ADGRL3: variants seen among roughly 807,000 people sequenced by gnomAD.
The protein encoded by ADGRL3 is adhesion G protein-coupled receptor L3.
Under a neutral mutation model 153.5 loss-of-function variants are expected in ADGRL3, and 62 were observed. The observed-to-expected ratio is 0.40, with a 90% CI of 0.33 to 0.50. The LOEUF (loss-of-function observed/expected upper bound fraction) is 0.50, where lower values mean the gene tolerates loss of function less well. ADGRL3 is among the 20% of genes least tolerant of loss of function. The pLI is 0.47. For missense variants in ADGRL3, 1,641 were observed against 1,859.4 expected (o/e 0.88, Z 2.16); for synonymous variants, 710 against 672.5 (o/e 1.06, Z -0.86).
chr4:61,968,459 A>C (rs1271211413), intron 17 of ADGRL3, among the ~76,000 whole-genome samples: 2 of 152,200 alleles, frequency 1.3e-5, no homozygotes, highest in African/African-American at 4.8e-5. Context: ...CATCTGTCAT[A>C]TATTTAAAAA....
chr4:61,829,637 T>G (rs2097848110), intron 9 of ADGRL3, among the ~76,000 whole-genome samples: 1 of 152,210 alleles, frequency 6.6e-6, no homozygotes, highest in African/African-American at 2.4e-5. Context: ...TAGTTAATAC[T>G]GTACTGTACA....
chr4:61,932,989 G>T (rs1234174978), intron 13 of ADGRL3, among the ~76,000 whole-genome samples: 1 of 151,144 alleles, frequency 6.6e-6, no homozygotes, highest in South Asian at 2.1e-4. Flanking sequence ...TTTAAATTAT[G>T]AAAATAAAAA....
intron 1 of ADGRL3, among the ~76,000 whole-genome samples, chr4:61,266,759 A>T (rs1004715306): frequency 3.8e-4 from 57 of 151,788 alleles, no homozygotes; most frequent in African/African-American, 1.3e-3. Flanking sequence ...TTTTATGCTT[A>T]ATACAAACAT....
intron 20 of ADGRL3, among the ~76,000 whole-genome samples, chr4:61,997,726 T>C (rs181463606): frequency 7.8e-4 from 119 of 152,338 alleles, no homozygotes; most frequent in African/African-American, 2.7e-3. Context: ...TATCATCCTT[T>C]TGAACTAGCT....
chr4:61,853,881 T>TA (rs1336779316), intron 9 of ADGRL3, among the ~76,000 whole-genome samples: 2 of 152,186 alleles, frequency 1.3e-5, no homozygotes, highest in African/African-American at 4.8e-5. Flanking sequence ...TTCCCTAACA[T>TA]AATTGTTTTT....
intron 1 of ADGRL3, among the ~76,000 whole-genome samples, chr4:61,264,732 C>T (rs1431645487): frequency 6.6e-6 from 1 of 151,920 alleles, no homozygotes; most frequent in African/African-American, 2.4e-5. Flanking sequence ...GTATACTTGA[C>T]CTATGGCAAA....
Position 61,998,184 on chromosome 4 carries a change from T to C in ADGRL3, c.3314T>C (p.Ile1105Thr). ...PATLIIMLNVIFLGIALYKMF... is the reference protein window; with the variant it reads ...PATLIIMLNVTFLGIALYKMF... ...CCTTTTGCATTCCAGCTTAATGTAA[T>C]CTTCCTTGGGATTGCTTTATATAAA... The change falls in exon 21 of 27, where the codon ATC becomes ACC. Residue 1105 changes from isoleucine to threonine, a missense_variant. Physicochemically the swap from Ile to Thr is moderately conservative, Grantham distance 89. Coordinates refer to ENST00000683033, the MANE Select transcript of ADGRL3 (RefSeq NM_001387552.1). 1 of 1,566,386 alleles carries C rather than the reference T, an allele frequency of 6.4e-7. No homozygotes were observed. Among genetic ancestry groups the C allele is most frequent in the South Asian group, 1.2e-5 (1 of 84,558 alleles).
In ADGRL3 at chr4:61,895,322, C is replaced by T. The variant is rs753156925; in HGVS notation, c.1784-409C>T. On this transcript the variant is annotated intron_variant, in intron 10 of 26. Coordinates refer to ENST00000683033, the MANE Select transcript of ADGRL3 (RefSeq NM_001387552.1). ...CTCTACTAAAAATACACAAATTAGC[C>T]GGGTGTGGTGGGGGATGCCTGTAGT... Among the ~76,000 whole-genome samples, 25 of 152,092 alleles carry T rather than the reference C, an allele frequency of 1.6e-4. 2 individuals carry two copies. The highest frequency in any genetic ancestry group is 1.6e-3 in the East Asian group (8 of 5,136).
intron 2 of ADGRL3, among the ~76,000 whole-genome samples, chr4:61,460,081 T>C (rs1196518231): frequency 1.3e-5 from 2 of 152,194 alleles, no homozygotes; most frequent in African/African-American, 4.8e-5. Flanking sequence ...TTTAGTTTAA[T>C]GCGATCTCTT....
intron 2 of ADGRL3, among the ~76,000 whole-genome samples, chr4:61,430,694 C>T (rs540560966): frequency 6.6e-6 from 1 of 152,144 alleles, no homozygotes; most frequent in East Asian, 1.9e-4. Context: ...AATTTCTTTC[C>T]TTGTTCATCC....
At chr4:61,891,887 T>G (rs2098589405) in intron 9 of ADGRL3, among the ~76,000 whole-genome samples, 1 of 152,230 alleles carries the variant, frequency 6.6e-6, no homozygotes. Context: ...ATAGTATGCC[T>G]ATTCCTTGGA....
intron 5 of ADGRL3, among the ~76,000 whole-genome samples, chr4:61,629,765 A>G (rs1427971914): frequency 1.1e-3 from 134 of 120,948 alleles, no homozygotes; most frequent in African/African-American, 4.0e-3. Context: ...AAAAAAAAAA[A>G]ATTCCAAGTC....
rs1398926440 is a variant in ADGRL3, at chr4:62,037,828, C to T, written c.3689C>T (p.Thr1230Ile). 2 of 1,613,608 alleles carry T rather than the reference C, an allele frequency of 1.2e-6. No homozygotes were observed. Among genetic ancestry groups the T allele is most frequent in the African/African-American group, 2.7e-5 (2 of 74,894 alleles). Reference protein sequence around the residue: ...IGSGKTSGSRTPGRYSTGSQS... With the variant: ...IGSGKTSGSRIPGRYSTGSQS... ...TCAGGGAAAACATCTGGTTCTCGAA[C>T]TCCTGGACGCTACTCCACAGGCTCA... Residue 1230 changes from threonine (T) to isoleucine (I), a missense_variant, in exon 24 of 27, where the codon ACT (threonine) becomes ATT (isoleucine). Physicochemically the swap from Thr to Ile is moderately conservative, Grantham distance 89. Transcript: ENST00000683033.
chr4:61,806,506 G>C, intron 8 of ADGRL3, among the ~76,000 whole-genome samples: 1 of 151,680 alleles, frequency 6.6e-6, no homozygotes, highest in Non-Finnish European at 1.5e-5. Flanking sequence ...TTTGCTATTA[G>C]TATTTTTCTA....
intron 5 of ADGRL3, among the ~76,000 whole-genome samples, chr4:61,626,286 A>T (rs1447485850): frequency 6.6e-6 from 1 of 152,046 alleles, no homozygotes; most frequent in Non-Finnish European, 1.5e-5. Context: ...TTTGGATTAA[A>T]CTGCTTATCG....
intron 9 of ADGRL3, among the ~76,000 whole-genome samples, chr4:61,844,746 A>G (rs1041119490): frequency 9.3e-4 from 141 of 151,632 alleles, no homozygotes; most frequent in African/African-American, 3.2e-3. Context: ...GCCTTAATGC[A>G]GACTCTGTTC....
intron 9 of ADGRL3, among the ~76,000 whole-genome samples, chr4:61,890,536 G>A (rs1383243867): frequency 6.6e-6 from 1 of 152,082 alleles, no homozygotes; most frequent in Non-Finnish European, 1.5e-5. Context: ...GGGGAGGGGC[G>A]GGGACAGGTG....
At chr4:61,508,617 G>A (rs1182117839) in intron 3 of ADGRL3, among the ~76,000 whole-genome samples, 3 of 152,090 alleles carry the variant, frequency 2.0e-5, no homozygotes, top group African/African-American at 4.8e-5. Context: ...AGATTCAGGG[G>A]GTAAATGTAC....
At chr4:61,859,143 T>G (rs1175016450) in intron 9 of ADGRL3, among the ~76,000 whole-genome samples, 1 of 152,194 alleles carries the variant, frequency 6.6e-6, no homozygotes, top group African/African-American at 2.4e-5. Flanking sequence ...TTTTCAGTGC[T>G]TGGTGTAATT....
Sources: gnomAD v4.1 joint callset for allele counts (sites outside exome capture counted in the v4.1 genomes callset) on GRCh38, gnomAD v4.1.1 for gene constraint, MANE v1.5 for transcripts, NCBI Gene and HGNC (gene_info 2026-07-23, HGNC 2026-07-21) for gene names.